The following FAM241B variants were observed in gnomAD, a reference collection of about 807,000 sequenced individuals.
The protein encoded by FAM241B is family with sequence similarity 241 member B, also known as protein FAM241B.
In FAM241B, 7 loss-of-function variants were observed where a neutral mutation model predicts 9.3. The ratio of observed to expected loss-of-function variants is 0.75; its 90% CI spans 0.43 to 1.41. FAM241B has a LOEUF of 1.41. Ranked by LOEUF, FAM241B falls within the 40% of genes most tolerant of loss-of-function variation. The probability of loss-of-function intolerance (pLI) is 0.01; values close to 1 mark genes in which losing one functional copy is unlikely to be tolerated. For synonymous variants in FAM241B, 60 were observed against 64.1 expected (o/e 0.94, Z 0.31); for missense variants, 136 against 159.6 (o/e 0.85, Z 0.80).
intron 3 of FAM241B, among the ~76,000 whole-genome samples, chr10:69,632,459 A>G (rs1839844403): frequency 4.8e-5 from 1 of 20,972 alleles, no homozygotes. Context: ...CTCCGTCTCA[A>G]AAAAAAAAAA....
intron 2 of FAM241B, 26 bp downstream of exon 2, chr10:69,631,573 G>A (rs1839820468): frequency 6.5e-7 from 1 of 1,547,184 alleles, no homozygotes. Context: ...CAAGCTTTTT[G>A]AGGTCAGGGG....
intron 1 of FAM241B, 195 bp downstream of exon 1, chr10:69,630,508 A>G (rs950374488): frequency 6.6e-6 from 4 of 606,170 alleles, no homozygotes; most frequent in African/African-American, 4.0e-5. Context: ...ACAAAGCACA[A>G]AGGGACTGCG....
At chr10:69,630,580 G>C in intron 1 of FAM241B, 11 of 1,233,908 alleles carry the variant, frequency 8.9e-6, no homozygotes, top group Non-Finnish European at 1.2e-5. Flanking sequence ...GGACGCGCCT[G>C]TCCCGGGCTC....
chr10:69,631,395 G>C, intron 1 of FAM241B, 85 bp from the exon 2 acceptor site: 2 of 1,145,722 alleles, frequency 1.7e-6, no homozygotes, highest in South Asian at 1.3e-5. Context: ...GGATCTTTTT[G>C]ATAGTTTTCC....
At chr10:69,631,584 G>A (rs1442817405) in intron 2 of FAM241B, 37 bp downstream of exon 2, 18 of 1,547,412 alleles carry the variant, frequency 1.2e-5, no homozygotes, top group South Asian at 3.6e-5. Context: ...AGGTCAGGGG[G>A]AAAATCCTCC....
Position 69,633,066 on chromosome 10 carries a change from A to T in FAM241B, c.*7A>T, listed in dbSNP as rs966834024. On this transcript the variant is annotated 3_prime_UTR_variant, in exon 4 of 4. Transcript: ENST00000373279. ...CCACCTGAGTCAGCGGTGACCTCTGAGGGCTGATAGGGGTGGGTTTGTTGA... is the reference window on the plus strand; with the variant it reads ...CCACCTGAGTCAGCGGTGACCTCTGTGGGCTGATAGGGGTGGGTTTGTTGA... The T allele has an allele frequency of 7.4e-6, 12 of 1,613,498 alleles. No individual in the cohort carries two copies. The highest frequency in any genetic ancestry group is 1.0e-5 in the Non-Finnish European group (12 of 1,179,800).
At chr10:69,632,729 G>A in intron 3 of FAM241B, 61 bp from the exon 4 acceptor site, 3 of 1,568,778 alleles carry the variant, frequency 1.9e-6, no homozygotes, top group African/African-American at 1.3e-5. Flanking sequence ...TAGAGAGGTT[G>A]ATTCCTGGCT....
rs551982149 is a variant in FAM241B, at chr10:69,633,417, G to A, written c.*358G>A. ...TTCCGATGCCTGTGGAAGACATGCC[G>A]ACGTCTCCTCTGCCTAGGGAGCAGG... On this transcript the variant is annotated 3_prime_UTR_variant, in exon 4 of 4. Coordinates refer to ENST00000373279, the MANE Select transcript of FAM241B (RefSeq NM_145306.3). The A allele has an allele frequency of 8.8e-5, 26 of 295,664 alleles. No individual in the cohort carries two copies. The highest frequency in any genetic ancestry group is 1.3e-4 in the African/African-American group (6 of 46,570). 18.3% of individuals were successfully genotyped at this position (295,664 alleles called of 1,614,324 possible). A position where few individuals can be genotyped will look rare whatever the true frequency, so the allele number is the denominator to read the frequency against.
chr10:69,631,599 A>G, intron 2 of FAM241B, 52 bp downstream of exon 2: 1 of 1,548,208 alleles, frequency 6.5e-7, no homozygotes. Flanking sequence ...TCCTCCACAG[A>G]TCTTCACGAG....
In FAM241B at chr10:69,631,780, G is replaced by A; in HGVS notation, c.37G>A (p.Asp13Asn). The A allele has an allele frequency of 1.2e-6, 2 of 1,613,284 alleles. No individual in the cohort carries two copies. Among genetic ancestry groups the A allele is most frequent in the South Asian group, 2.2e-5 (2 of 90,630 alleles). The change falls in exon 3 of 4, where the codon GAT becomes AAT. Residue 13 changes from aspartate (D) to asparagine (N), a missense_variant. Coordinates refer to ENST00000373279, the MANE Select transcript of FAM241B (RefSeq NM_145306.3). ...RILANGEIVQ[D>N]DDPRVRTTTQ... ...CTTGGCCAATGGGGAAATCGTGCAG[G>A]ATGACGACCCCCGAGTGAGGACCAC...
intron 3 of FAM241B, 28 bp from the exon 4 acceptor site, chr10:69,632,762 T>G (rs767858328): frequency 6.2e-7 from 1 of 1,604,694 alleles, no homozygotes; most frequent in Admixed American, 1.7e-5. Context: ...CAATGATTCA[T>G]TCATCTCTCT....
chr10:69,631,721 A>C lies in FAM241B; in HGVS notation c.-23A>C. On this transcript the variant is annotated 5_prime_UTR_variant, in exon 3 of 4. Transcript: ENST00000373279. Reference sequence around the variant, plus strand: ...CCACACAATGCAGGTGCAGCCCATCAGGGACCCACAGCGCCTGGGAGGATG... The same window carrying C: ...CCACACAATGCAGGTGCAGCCCATCCGGGACCCACAGCGCCTGGGAGGATG... 5 of 1,609,334 alleles carry C rather than the reference A, an allele frequency of 3.1e-6. No homozygotes were observed. Among genetic ancestry groups the C allele is most frequent in the Non-Finnish European group, 4.2e-6 (5 of 1,178,338 alleles).
chr10:69,630,528 C>G, intron 1 of FAM241B: 1 of 815,188 alleles, frequency 1.2e-6, no homozygotes, highest in Non-Finnish European at 1.6e-6. Context: ...GCGCGACCAC[C>G]ATCCGCTCGG....
Position 69,632,860 on chromosome 10 carries a change from G to A in FAM241B, c.167G>A (p.Arg56Lys). 1.9e-6 allele frequency: 3 copies of A among 1,614,226 alleles called. No homozygotes were observed. The highest frequency in any genetic ancestry group is 2.5e-6 in the Non-Finnish European group (3 of 1,180,036). ...PGPRQQQAGA[R>K]LGAAQSPFND... ...CCCCGCCAGCAGCAGGCAGGTGCCA[G>A]GCTGGGTGCTGCTCAGTCCCCCTTC... Residue 56 changes from arginine (R) to lysine (K), a missense_variant, in exon 4 of 4, where the codon AGG becomes AAG. Transcript: ENST00000373279.
chr10:69,632,898 C>G lies in FAM241B; in HGVS notation c.205C>G (p.Arg69Gly). The G allele has an allele frequency of 6.2e-7, 1 of 1,614,230 alleles. No homozygotes were observed. Among genetic ancestry groups the G allele is most frequent in the South Asian group, 1.1e-5 (1 of 91,086 alleles). The part of the protein sequence containing the change: ...AAQSPFNDLN[R>G]QLVNMGFPQW... ...TCAGTCCCCCTTCAATGACCTCAAC[C>G]GGCAGCTGGTGAACATGGGCTTTCC... Residue 69 changes from arginine to glycine, a missense_variant, in exon 4 of 4, where the codon CGG (arginine) becomes GGG (glycine). Coordinates refer to ENST00000373279, the MANE Select transcript of FAM241B (RefSeq NM_145306.3).
At chr10:69,631,977 G>A in intron 3 of FAM241B, 138 bp downstream of exon 3, 1 of 1,174,560 alleles carries the variant, frequency 8.5e-7, no homozygotes, top group Non-Finnish European at 1.2e-6. Context: ...GGAAGATGCA[G>A]TGGCTTATTG....
intron 3 of FAM241B, 31 bp downstream of exon 3, chr10:69,631,870 G>C (rs1218446831): frequency 1.3e-6 from 2 of 1,588,604 alleles, no homozygotes; most frequent in Non-Finnish European, 1.7e-6. Context: ...GAGTGGGACA[G>C]ATGGCCTCCT....
At chr10:69,632,000 G>C (rs1217330310) in intron 3 of FAM241B, among the ~76,000 whole-genome samples, 161 bp downstream of exon 3, 1 of 150,982 alleles carries the variant, frequency 6.6e-6, no homozygotes, top group African/African-American at 2.5e-5. Context: ...TACCTCCCCA[G>C]ATCTCCTTTC....
chr10:69,632,807 C>A lies in FAM241B; in HGVS notation c.114C>A (p.Gly38=). 6.2e-7 allele frequency: 1 copy of A among 1,613,592 alleles called. No individual in the cohort carries two copies. The highest frequency in any genetic ancestry group is 1.1e-5 in the South Asian group (1 of 91,048). ...SIPRQSFFNR[G]HGAPPGGPGP... ...CATTCCAGAGCTTCTTCAACAGGGG[C>A]CATGGTGCTCCCCCAGGGGGTCCTG... Residue 38 remains glycine, a synonymous_variant, in exon 4 of 4, where the codon GGC becomes GGA. Coordinates refer to ENST00000373279, the MANE Select transcript of FAM241B (RefSeq NM_145306.3).
Sources: allele counts gnomAD v4.1 joint callset (sites outside exome capture counted in the v4.1 genomes callset), GRCh38; gene constraint gnomAD v4.1.1; transcripts MANE v1.5; gene names NCBI Gene and HGNC (gene_info 2026-07-23, HGNC 2026-07-21).